WWOX: variants seen among roughly 807,000 people sequenced by gnomAD.
The protein encoded by WWOX is WW domain containing oxidoreductase.
WWOX carries 69 observed loss-of-function variants against 46.2 expected under a neutral mutation model. The observed-to-expected ratio is 1.49, with a 90% CI of 1.23 to 1.82. The LOEUF (loss-of-function observed/expected upper bound fraction) is 1.82. WWOX is among the 40% of genes most tolerant of loss of function. The probability of loss-of-function intolerance (pLI) is 0.00; values close to 1 mark genes in which losing one functional copy is unlikely to be tolerated. For synonymous variants in WWOX, 359 were observed against 202.6 expected, an observed-to-expected ratio of 1.77 and a Z score of -6.56; for missense variants, 919 against 542.6, an observed-to-expected ratio of 1.69 and a Z score of -6.89.
At chr16:78,312,349 G>GT (rs1242983138) in intron 5 of WWOX, among the ~76,000 whole-genome samples, 2 of 149,524 alleles carry the variant, frequency 1.3e-5, no homozygotes, top group African/African-American at 4.9e-5. Flanking sequence ...TATATTGCTA[G>GT]TGAGTGGCCA....
intron 8 of WWOX, among the ~76,000 whole-genome samples, chr16:78,443,396 C>G (rs565542381): frequency 6.6e-6 from 1 of 152,270 alleles, no homozygotes; most frequent in African/African-American, 2.4e-5. Flanking sequence ...CAGCAGGCTT[C>G]CACAGTGCAG....
In WWOX at chr16:78,805,155, A is replaced by AG. The variant is rs553723204; in HGVS notation, c.1056+372405dup. 5.7e-5 allele frequency among the ~76,000 whole-genome samples: 4 copies of AG among 70,312 alleles called. No homozygotes were observed. In the East Asian group the frequency reaches 1.1e-3, roughly 19 times the overall value. The allele number at this position is 70,312 out of a possible 152,430, so 46.1% of individuals were successfully genotyped here. ...TAAGGACTAGATTGTGAAATGTTTAAGGAGGCAAAGAATATTTAACCAAGA... is the reference window on the plus strand; with the variant it reads ...TAAGGACTAGATTGTGAAATGTTTAAGGGAGGCAAAGAATATTTAACCAAGA... On this transcript the variant is annotated intron_variant, in intron 8 of 8. Transcript: ENST00000566780.
intron 5 of WWOX, chr16:78,355,657 T>G: frequency 1.5e-6 from 1 of 689,536 alleles, no homozygotes. Context: ...GCAGATTACA[T>G]ACTTATGATC....
intron 8 of WWOX, among the ~76,000 whole-genome samples, chr16:78,672,535 G>A (rs1015786832): frequency 2.0e-5 from 3 of 152,162 alleles, no homozygotes; most frequent in African/African-American, 7.2e-5. Flanking sequence ...GCCCAGAGTC[G>A]GCAGTGTAGC....
intron 8 of WWOX, among the ~76,000 whole-genome samples, chr16:78,621,853 C>G (rs932478858): frequency 1.3e-5 from 2 of 151,988 alleles, no homozygotes; most frequent in Non-Finnish European, 2.9e-5. Flanking sequence ...GATCTGCCTA[C>G]CTTAGCCTCC....
intron 8 of WWOX, among the ~76,000 whole-genome samples, chr16:79,042,408 C>G (rs1400632601): frequency 6.6e-6 from 1 of 152,134 alleles, no homozygotes; most frequent in East Asian, 1.9e-4. Context: ...ATCATTTTGC[C>G]AAGAGACAGA....
chr16:78,598,369 T>C (rs937271566), intron 8 of WWOX, among the ~76,000 whole-genome samples: 3 of 152,230 alleles, frequency 2.0e-5, no homozygotes, highest in South Asian at 4.1e-4. Context: ...GGAAAGCTCA[T>C]GTAGACTGGG....
chr16:78,323,113 T>A (rs143026812), intron 5 of WWOX, among the ~76,000 whole-genome samples: 148 of 151,760 alleles, frequency 9.8e-4, no homozygotes, highest in Non-Finnish European at 1.8e-3. Context: ...TATTTTTTTT[T>A]GTTTGTTTGT....
At chr16:78,573,121 C>G (rs1163605885) in intron 8 of WWOX, among the ~76,000 whole-genome samples, 4 of 151,058 alleles carry the variant, frequency 2.6e-5, no homozygotes, top group African/African-American at 9.8e-5. Flanking sequence ...CCGTCTGTAC[C>G]AAAAATACAA....
chr16:79,208,030 C>G (rs2051577934), intron 8 of WWOX, among the ~76,000 whole-genome samples: 1 of 152,126 alleles, frequency 6.6e-6, no homozygotes, highest in African/African-American at 2.4e-5. Context: ...CTAAATCCCA[C>G]CTTTCTGTAG....
At chr16:79,025,721 G>A (rs1004751166) in intron 8 of WWOX, among the ~76,000 whole-genome samples, 9 of 151,384 alleles carry the variant, frequency 5.9e-5, no homozygotes, top group African/African-American at 9.7e-5. Flanking sequence ...ACCCTTTAAT[G>A]ATTTTCTCCA....
chr16:79,089,091 C>G (rs1034464582), intron 8 of WWOX, among the ~76,000 whole-genome samples: 3 of 152,146 alleles, frequency 2.0e-5, no homozygotes, highest in African/African-American at 7.2e-5. Context: ...AGTTCGTGTG[C>G]TGTACCAAGG....
chr16:78,221,104 G>A (rs2036872652), intron 5 of WWOX, among the ~76,000 whole-genome samples: 1 of 152,018 alleles, frequency 6.6e-6, no homozygotes, highest in Non-Finnish European at 1.5e-5. Context: ...CGGTTCATCT[G>A]GATTTTAAAA....
chr16:79,187,701 C>A (rs2005476), intron 8 of WWOX, among the ~76,000 whole-genome samples: 1 of 152,182 alleles, frequency 6.6e-6, no homozygotes, highest in Admixed American at 6.5e-5. Flanking sequence ...GCCACCATGC[C>A]TGGCTAATTT....
At chr16:78,551,177 C>A (rs993376352) in intron 8 of WWOX, 3 of 151,968 alleles carry the variant, frequency 2.0e-5, no homozygotes, top group African/African-American at 7.3e-5. Context: ...TTCCATGAAA[C>A]AAATATCGTG....
At chr16:79,085,163 A>G (rs2048831647) in intron 8 of WWOX, among the ~76,000 whole-genome samples, 2 of 152,192 alleles carry the variant, frequency 1.3e-5, no homozygotes, top group African/African-American at 2.4e-5. Context: ...TTTAGGGACA[A>G]AAACACGGGA....
At chr16:79,176,181 G>C (rs2050796350) in intron 8 of WWOX, among the ~76,000 whole-genome samples, 1 of 152,140 alleles carries the variant, frequency 6.6e-6, no homozygotes, top group Admixed American at 6.5e-5. Context: ...CATTATAGCT[G>C]AAACCCCCAA....
chr16:78,179,178 A>T (rs774080934), intron 5 of WWOX, among the ~76,000 whole-genome samples: 1 of 152,226 alleles, frequency 6.6e-6, no homozygotes, highest in Non-Finnish European at 1.5e-5. Flanking sequence ...TCTTTCAGTC[A>T]TGTATGATCC....
chr16:79,144,702 C>T (rs1420014443), intron 8 of WWOX, among the ~76,000 whole-genome samples: 1 of 152,070 alleles, frequency 6.6e-6, no homozygotes, highest in Non-Finnish European at 1.5e-5. Flanking sequence ...ATTTTATTGA[C>T]CTAATGTTCT....
Sources: gnomAD v4.1 joint callset for allele counts (sites outside exome capture counted in the v4.1 genomes callset) on GRCh38, gnomAD v4.1.1 for gene constraint, MANE v1.5 for transcripts, NCBI Gene and HGNC (gene_info 2026-07-23, HGNC 2026-07-21) for gene names.